The following AGXT2 variants were observed in gnomAD, a reference collection of about 807,000 sequenced individuals.
AGXT2 encodes alanine--glyoxylate aminotransferase 2, mitochondrial.
In AGXT2, 61 loss-of-function variants were observed where a neutral mutation model predicts 62.5. The observed-to-expected ratio is 0.98, with a 90% CI of 0.79 to 1.21. AGXT2 has a LOEUF of 1.21. Among genes scored for constraint, AGXT2 ranks in the 50% most tolerant of loss-of-function variants. The pLI is 0.00. For synonymous variants in AGXT2, 243 were observed against 218.7 expected (o/e 1.11, Z -0.98); for missense variants, 666 against 641.5 (o/e 1.04, Z -0.41).
intron 9 of AGXT2, among the ~76,000 whole-genome samples, chr5:35,021,989 G>A (rs1336586264): frequency 2.6e-5 from 4 of 152,146 alleles, no homozygotes; most frequent in Non-Finnish European, 5.9e-5. Flanking sequence ...ATCATCACTG[G>A]CCATCAGAGA....
chr5:35,021,454 G>C (rs1767079647), intron 9 of AGXT2, among the ~76,000 whole-genome samples: 1 of 150,364 alleles, frequency 6.7e-6, no homozygotes, highest in Non-Finnish European at 1.5e-5. Context: ...ACAAACCTGA[G>C]AAAAACAAGC....
intron 4 of AGXT2, among the ~76,000 whole-genome samples, chr5:35,036,334 A>G (rs1767769334): frequency 6.6e-6 from 1 of 152,232 alleles, no homozygotes; most frequent in Non-Finnish European, 1.5e-5. Context: ...GGGACTGAGC[A>G]TTGTTCTAGG....
At chr5:35,009,817 T>C (rs1364664542) in intron 12 of AGXT2, among the ~76,000 whole-genome samples, 183 bp downstream of exon 12, 1 of 152,214 alleles carries the variant, frequency 6.6e-6, no homozygotes, top group Non-Finnish European at 1.5e-5. Flanking sequence ...TCTAGAATTC[T>C]TGATGATCTG....
rs752133202 is a variant in AGXT2 at position 35,032,712 on chromosome 5, C to A, written c.769+20G>T. The A allele has an allele frequency of 6.3e-7, 1 of 1,584,878 alleles. No individual in the cohort carries two copies. The highest frequency in any genetic ancestry group is 1.8e-5 in the Admixed American group (1 of 57,090). ...TCCAACTTCCAACACTCCACTGGCA[C>A]CCCCCTTGCCCAGTCGGACCTGGTG... On this transcript the variant is annotated intron_variant, in intron 7 of 13. Coordinates refer to ENST00000231420, the MANE Select transcript of AGXT2 (RefSeq NM_031900.4).
Position 35,009,992 on chromosome 5 carries a change from GCACCTA to G in AGXT2, c.1338+2_1338+7del. ...GCAGCTGAGAGAGAGGGGCAGATTA[GCACCTA>G]CCTTATCCTGCACCATTTCTATGCC... On this transcript the variant is annotated splice_donor_variant and splice_donor_5th_base_variant and intron_variant, in intron 12 of 13. Transcript: ENST00000231420. LOFTEE classifies it high-confidence loss of function. 1 of 1,614,140 alleles carries G rather than the reference GCACCTA, an allele frequency of 6.2e-7. No homozygotes were observed.
At chr5:35,040,513 AT>A in intron 2 of AGXT2, 61 bp downstream of exon 2, 4 of 1,474,698 alleles carry the variant, frequency 2.7e-6, no homozygotes, top group Non-Finnish European at 3.8e-6. Context: ...TAAGGAAACA[AT>A]CATTTGAGAC....
intron 11 of AGXT2, 74 bp downstream of exon 11, chr5:35,012,880 T>G: frequency 7.8e-7 from 1 of 1,284,242 alleles, no homozygotes; most frequent in Non-Finnish European, 1.1e-6. Context: ...ATGATAGAGT[T>G]CTGCTAATGC....
intron 9 of AGXT2, among the ~76,000 whole-genome samples, chr5:35,023,082 T>A (rs344518): frequency 0.46 from 67,667 of 148,268 alleles, 15,756 homozygotes; most frequent in African/African-American, 0.53. Context: ...TCCGATATTG[T>A]TTTATTCATT....
At chr5:35,047,520 T>G (rs1259248859) in intron 1 of AGXT2, among the ~76,000 whole-genome samples, 1 of 152,214 alleles carries the variant, frequency 6.6e-6, no homozygotes, top group Non-Finnish European at 1.5e-5. Flanking sequence ...TTCCTTTGGT[T>G]TTTAAAAATA....
At chr5:35,036,820 C>T in intron 4 of AGXT2, 122 bp downstream of exon 4, 2 of 1,445,378 alleles carry the variant, frequency 1.4e-6, no homozygotes, top group Non-Finnish European at 1.9e-6. Context: ...ATTCCCTGCC[C>T]ATGTCCCTGC....
intron 9 of AGXT2, among the ~76,000 whole-genome samples, chr5:35,024,954 G>C (rs1767268386): frequency 6.6e-6 from 1 of 152,110 alleles, no homozygotes; most frequent in African/African-American, 2.4e-5. Flanking sequence ...TGGGCAACAA[G>C]AAAGAAATTC....
chr5:35,009,085 A>C (rs1033299969), intron 12 of AGXT2, among the ~76,000 whole-genome samples: 4 of 152,130 alleles, frequency 2.6e-5, no homozygotes, highest in Non-Finnish European at 1.5e-5. Context: ...AATTGGGAGA[A>C]CGGTGGAGTG....
At chr5:35,022,247 C>A (rs1268978441) in intron 9 of AGXT2, among the ~76,000 whole-genome samples, 4 of 152,158 alleles carry the variant, frequency 2.6e-5, no homozygotes, top group Non-Finnish European at 2.9e-5. Flanking sequence ...GACTATAAAT[C>A]ACGCTGCTAT....
At chr5:35,036,385 T>C (rs1165248166) in intron 4 of AGXT2, among the ~76,000 whole-genome samples, 1 of 152,220 alleles carries the variant, frequency 6.6e-6, no homozygotes. Flanking sequence ...TAAATGGAAA[T>C]CTTGGCCAAC....
chr5:35,035,145 G>C, intron 5 of AGXT2, 77 bp downstream of exon 5: 1 of 1,259,022 alleles, frequency 7.9e-7, no homozygotes. Context: ...CCCACTCCAT[G>C]CTACAATGTA....
In AGXT2 at chr5:35,047,818, A is replaced by T; in HGVS notation, c.75T>A (p.His25Gln). The change falls in exon 1 of 14, where the codon CAT becomes CAA. Residue 25 changes from histidine to glutamine, a missense_variant. Transcript: ENST00000231420. Reference sequence around the variant, plus strand: ...GTTTCCACTTACGGCTCAGGAAAGGATGCATCTCAAGGATCCTGGGAGCGG... The same window carrying T: ...GTTTCCACTTACGGCTCAGGAAAGGTTGCATCTCAAGGATCCTGGGAGCGG... ...VTSAPRILEM[H>Q]PFLSLGTSRT... The T allele has an allele frequency of 1.2e-6, 2 of 1,614,036 alleles. No homozygotes were observed. Among genetic ancestry groups the T allele is most frequent in the Middle Eastern group, 1.6e-4 (1 of 6,062 alleles).
At chr5:35,020,252 C>T (rs1014231684) in intron 9 of AGXT2, among the ~76,000 whole-genome samples, 2 of 152,082 alleles carry the variant, frequency 1.3e-5, no homozygotes, top group South Asian at 2.1e-4. Flanking sequence ...ATACCAAAGC[C>T]GGGCAGAGAC....
At chr5:35,025,720 C>G (rs1457484774) in intron 9 of AGXT2, 43 bp downstream of exon 9, 1 of 1,589,514 alleles carries the variant, frequency 6.3e-7, no homozygotes, top group Admixed American at 1.7e-5. Context: ...CTGTGCATCT[C>G]CTGTTCCCAC....
intron 1 of AGXT2, among the ~76,000 whole-genome samples, chr5:35,041,867 T>G (rs1378839993): frequency 6.6e-6 from 1 of 152,214 alleles, no homozygotes; most frequent in Non-Finnish European, 1.5e-5. Context: ...CAAAGAGATA[T>G]ATAATCACTA....
Sources: gnomAD v4.1 joint callset for allele counts (sites outside exome capture counted in the v4.1 genomes callset) on GRCh38, gnomAD v4.1.1 for gene constraint, MANE v1.5 for transcripts, NCBI Gene and HGNC (gene_info 2026-07-23, HGNC 2026-07-21) for gene names.